TEKT1: variants seen among roughly 807,000 people sequenced by gnomAD.
TEKT1 encodes tektin 1, also known as tektin-1.
In TEKT1, 32 loss-of-function variants were observed where a neutral mutation model predicts 34.8. The observed-to-expected ratio is 0.92, with a 90% CI of 0.69 to 1.23. The LOEUF (loss-of-function observed/expected upper bound fraction) is 1.23, where lower values mean the gene tolerates loss of function less well. Among genes scored for constraint, TEKT1 ranks in the 50% most tolerant of loss-of-function variants. The pLI is 0.00. For missense variants in TEKT1, 492 were observed against 518.5 expected, an observed-to-expected ratio of 0.95 and a Z score of 0.50; for synonymous variants, 207 against 199.8, an observed-to-expected ratio of 1.04 and a Z score of -0.30.
At chr17:6,818,212 A>G (rs1161116758) in intron 3 of TEKT1, among the ~76,000 whole-genome samples, 3 of 152,182 alleles carry the variant, frequency 2.0e-5, no homozygotes, top group East Asian at 1.9e-4. Flanking sequence ...TCTTGAAGCC[A>G]TTGGGGTTTG....
intron 7 of TEKT1, 74 bp downstream of exon 7, chr17:6,800,673 C>T (rs1976757353): frequency 1.3e-6 from 2 of 1,505,292 alleles, no homozygotes; most frequent in Middle Eastern, 2.4e-4. Context: ...CTGCTGGTCA[C>T]TATCTAGCCT....
At chr17:6,830,028 A>C (rs1318772705) in intron 2 of TEKT1, among the ~76,000 whole-genome samples, 159 bp downstream of exon 2, 1 of 152,214 alleles carries the variant, frequency 6.6e-6, no homozygotes, top group Admixed American at 6.5e-5. Context: ...CCTTGTGTCT[A>C]TCTTAGGGCA....
chr17:6,801,142 G>A lies in TEKT1; in HGVS notation c.853-199C>T, dbSNP rs569315973. Among the ~76,000 whole-genome samples the A allele has an allele frequency of 3.0e-4, 46 of 152,248 alleles. No individual in the cohort carries two copies. The South Asian group carries it at 3.7e-3, about 12-fold the overall frequency. On this transcript the variant is annotated intron_variant, in intron 6 of 7. Coordinates refer to ENST00000338694, the MANE Select transcript of TEKT1 (RefSeq NM_053285.2). ...GGTCACATAAGACTTAAAACCTTAT[G>A]GACTCAAGGGACAGGACGGGCCATT...
rs767259642 is a variant in TEKT1 at position 6,815,235 on chromosome 17, T to G, written c.557A>C (p.Asp186Ala). 32 of 1,614,120 alleles carry G rather than the reference T, an allele frequency of 2.0e-5. No individual in the cohort carries two copies. Among genetic ancestry groups the G allele is most frequent in the African/African-American group, 6.7e-5 (5 of 74,940 alleles). The change falls in exon 5 of 8, where the codon GAT (aspartate) becomes GCT (alanine). Residue 186 changes from aspartate to alanine, a missense_variant. Transcript: ENST00000338694. ...KDKFVALTID[D>A]ICFSLNNNSP... ...GTTGTTGTTGAGCGAGAAGCAGATA[T>G]CATCTATGGTCAGGGCCACAAACTT...
At chr17:6,801,898 G>A (rs1012161497) in intron 6 of TEKT1, among the ~76,000 whole-genome samples, 17 of 152,108 alleles carry the variant, frequency 1.1e-4, no homozygotes, top group African/African-American at 4.1e-4. Context: ...TTTCAGCAAT[G>A]AGCAGTATGT....
chr17:6,813,946 TTCTCTC>T (rs71157224), intron 5 of TEKT1, among the ~76,000 whole-genome samples: 66 of 145,850 alleles, frequency 4.5e-4, no homozygotes, highest in African/African-American at 1.3e-3. Context: ...CTGTCATCCG[TTCTCTC>T]TCTCTCTCTC....
chr17:6,804,634 C>T (rs1976821277), intron 6 of TEKT1, among the ~76,000 whole-genome samples: 1 of 152,140 alleles, frequency 6.6e-6, no homozygotes, highest in Non-Finnish European at 1.5e-5. Flanking sequence ...AGATATGTCC[C>T]ATCAATACCT....
intron 5 of TEKT1, among the ~76,000 whole-genome samples, chr17:6,813,497 A>G (rs1478417472): frequency 6.6e-6 from 1 of 151,692 alleles, no homozygotes. Flanking sequence ...AAGAGGAACT[A>G]TCTTCTGGAA....
In TEKT1 at chr17:6,804,444, C is replaced by A. The variant is rs1320169461; in HGVS notation, c.853-3501G>T. On this transcript the variant is annotated intron_variant, in intron 6 of 7. Transcript: ENST00000338694. Reference sequence around the variant, plus strand: ...GACTTCCTCTTTTCCTAATTGAATACCCTTTATTTCCTTCTCCTGCCTAAT... The same window carrying A: ...GACTTCCTCTTTTCCTAATTGAATAACCTTTATTTCCTTCTCCTGCCTAAT... 5.9e-4 allele frequency among the ~76,000 whole-genome samples: 89 copies of A among 152,082 alleles called. 1 individual carries two copies. In the South Asian group the frequency reaches 0.017, roughly 28 times the overall value.
intron 3 of TEKT1, among the ~76,000 whole-genome samples, chr17:6,817,944 C>T (rs1335263325): frequency 6.6e-6 from 1 of 152,156 alleles, no homozygotes; most frequent in Non-Finnish European, 1.5e-5. Context: ...TGATGAGCTG[C>T]TATTTCTCTT....
chr17:6,803,077 A>G (rs1021997226), intron 6 of TEKT1, among the ~76,000 whole-genome samples: 1 of 152,074 alleles, frequency 6.6e-6, no homozygotes, highest in African/African-American at 2.4e-5. Context: ...TCCCACCAAC[A>G]GTGTAAAAGT....
At chr17:6,826,216 C>T (rs1394394669) in intron 2 of TEKT1, among the ~76,000 whole-genome samples, 2 of 152,142 alleles carry the variant, frequency 1.3e-5, no homozygotes, top group African/African-American at 4.8e-5. Flanking sequence ...AATTAGAGCA[C>T]CTCTTTACAT....
chr17:6,824,393 C>G (rs761298524), intron 2 of TEKT1, among the ~76,000 whole-genome samples: 6 of 152,084 alleles, frequency 3.9e-5, no homozygotes, highest in Non-Finnish European at 8.8e-5. Flanking sequence ...CCTGCTTCAT[C>G]TCCCTCTCAT....
chr17:6,805,524 G>A (rs1343552686), intron 6 of TEKT1, among the ~76,000 whole-genome samples: 1 of 152,058 alleles, frequency 6.6e-6, no homozygotes, highest in Non-Finnish European at 1.5e-5. Flanking sequence ...GAATGTGTTT[G>A]CTCTTGCTTC....
In TEKT1 at chr17:6,799,370, G is replaced by A. The variant is rs981987744; in HGVS notation, c.*657C>T. On this transcript the variant is annotated 3_prime_UTR_variant, in exon 8 of 8. Coordinates refer to ENST00000338694, the MANE Select transcript of TEKT1 (RefSeq NM_053285.2). ...TGTGCAGAAATTATGTTGGTATAGG[G>A]TGGGACTGCTCACAATGGCTCACAT... 4 of 152,152 alleles carry A rather than the reference G, an allele frequency of 2.6e-5. No individual in the cohort carries two copies. Among genetic ancestry groups the A allele is most frequent in the South Asian group, 2.1e-4 (1 of 4,828 alleles). 9.4% of individuals were successfully genotyped at this position (152,152 alleles called of 1,614,324 possible). A position where few individuals can be genotyped will look rare whatever the true frequency, so the allele number is the denominator to read the frequency against.
chr17:6,802,100 T>A (rs1486183059), intron 6 of TEKT1, among the ~76,000 whole-genome samples: 1 of 152,232 alleles, frequency 6.6e-6, no homozygotes, highest in African/African-American at 2.4e-5. Context: ...AAAAGACTTA[T>A]TCTTTAACAT....
At chr17:6,829,932 T>C (rs1904522951) in intron 2 of TEKT1, among the ~76,000 whole-genome samples, 1 of 152,150 alleles carries the variant, frequency 6.6e-6, no homozygotes, top group African/African-American at 2.4e-5. Flanking sequence ...TAGTGTGTAG[T>C]ACATAGATGC....
rs1976727557 is a variant in TEKT1 at position 6,798,748 on chromosome 17, ACT to A, written c.*1277_*1278del. On this transcript the variant is annotated 3_prime_UTR_variant, in exon 8 of 8. Coordinates refer to ENST00000338694, the MANE Select transcript of TEKT1 (RefSeq NM_053285.2). Reference sequence around the variant, plus strand: ...CAAAGCTCCCAGGAATTAGGCCCACACTCTGCATTATCATTGTGCCCTATGAC... The same window carrying A: ...CAAAGCTCCCAGGAATTAGGCCCACACTGCATTATCATTGTGCCCTATGAC... The A allele has an allele frequency of 2.0e-5, 3 of 152,132 alleles. No homozygotes were observed. The allele number at this position is 152,132 out of a possible 1,614,324, so 9.4% of individuals were successfully genotyped here.
In TEKT1 at chr17:6,813,071, C is replaced by A; in HGVS notation, c.630-18G>T. On this transcript the variant is annotated intron_variant, in intron 5 of 7. Coordinates refer to ENST00000338694, the MANE Select transcript of TEKT1 (RefSeq NM_053285.2). ...TCACGGAGCTGAAACAGACCTCACG[C>A]TTTCATTCACAGCATATTTGGGGTG... 6.2e-7 allele frequency: 1 copy of A among 1,603,438 alleles called. No homozygotes were observed. The highest frequency in any genetic ancestry group is 8.5e-7 in the Non-Finnish European group (1 of 1,173,198).
Sources: gnomAD v4.1 joint callset for allele counts (sites outside exome capture counted in the v4.1 genomes callset) on GRCh38, gnomAD v4.1.1 for gene constraint, MANE v1.5 for transcripts, NCBI Gene and HGNC (gene_info 2026-07-23, HGNC 2026-07-21) for gene names.